Variants in PPIP5K2 observed in about 807,000 individuals in gnomAD.
PPIP5K2 encodes inositol hexakisphosphate and diphosphoinositol-pentakisphosphate kinase 2.
PPIP5K2 carries 105 observed loss-of-function variants against 154.6 expected under a neutral mutation model. The observed-to-expected ratio is 0.68, with a 90% CI of 0.58 to 0.80. The LOEUF (loss-of-function observed/expected upper bound fraction) is 0.80. PPIP5K2 is among the 30% of genes least tolerant of loss of function. The probability of loss-of-function intolerance (pLI) is 0.00; values close to 1 mark genes in which losing one functional copy is unlikely to be tolerated. For missense variants in PPIP5K2, 992 were observed against 1,504.6 expected, an observed-to-expected ratio of 0.66 and a Z score of 5.64; for synonymous variants, 480 against 490.3, an observed-to-expected ratio of 0.98 and a Z score of 0.28.
At chr5:103,120,799 G>T (rs1481842534) in intron 1 of PPIP5K2, 1 of 290,324 alleles carries the variant, frequency 3.4e-6, no homozygotes, top group Non-Finnish European at 7.1e-6. Context: ...CGCTGTGCCT[G>T]GCTCCACTGA....
At chr5:103,192,513 A>T (rs1420452370) in intron 29 of PPIP5K2, among the ~76,000 whole-genome samples, 1 of 152,130 alleles carries the variant, frequency 6.6e-6, no homozygotes, top group Non-Finnish European at 1.5e-5. Context: ...TAATTAGTAA[A>T]TAAGAGTTTA....
chr5:103,173,725 GT>G, intron 20 of PPIP5K2, 132 bp from the exon 21 acceptor site: 2 of 668,190 alleles, frequency 3.0e-6, no homozygotes, highest in Non-Finnish European at 5.1e-6. Flanking sequence ...CTCTATTGTG[GT>G]TGGAAGAATA....
At chr5:103,200,601 G>T (rs1425114102) in intron 30 of PPIP5K2, among the ~76,000 whole-genome samples, 1 of 150,218 alleles carries the variant, frequency 6.7e-6, no homozygotes, top group Non-Finnish European at 1.5e-5. Flanking sequence ...ATGCCACCTA[G>T]AATGGTTTTT....
chr5:103,189,318 T>A, intron 28 of PPIP5K2: 1 of 1,030,212 alleles, frequency 9.7e-7, no homozygotes, highest in African/African-American at 1.6e-5. Context: ...AAAAGTTTAT[T>A]AAAGATAAGT....
chr5:103,153,655 GCTT>G (rs1794975582), intron 10 of PPIP5K2, among the ~76,000 whole-genome samples, 190 bp from the exon 11 acceptor site: 1 of 151,672 alleles, frequency 6.6e-6, no homozygotes, highest in South Asian at 2.1e-4. Context: ...CCCTCCCCCA[GCTT>G]CTTAAGTTCT....
chr5:103,192,883 A>C (rs1326376461), intron 29 of PPIP5K2, among the ~76,000 whole-genome samples: 1 of 152,150 alleles, frequency 6.6e-6, no homozygotes, highest in Non-Finnish European at 1.5e-5. Context: ...CTAGATGAGA[A>C]AGTAAATGTA....
In PPIP5K2 at chr5:103,151,386, T is replaced by A. The variant is rs200587357; in HGVS notation, c.1028+12T>A. The A allele has an allele frequency of 1.9e-4, 300 of 1,579,490 alleles. No homozygotes were observed. The Middle Eastern group carries it at 2.5e-3, about 13-fold the overall frequency. On this transcript the variant is annotated intron_variant, in intron 9 of 30. Coordinates refer to ENST00000358359, the MANE Select transcript of PPIP5K2 (RefSeq NM_001276277.3). ...GCAAAAATACTTGGGTAAGAATTTT[T>A]AAATTTTTCTTTTTACCTTCATATA...
chr5:103,142,480 C>T (rs189498748), intron 5 of PPIP5K2, among the ~76,000 whole-genome samples: 1 of 152,358 alleles, frequency 6.6e-6, no homozygotes, highest in Admixed American at 6.5e-5. Context: ...CAGAAAGGGG[C>T]TCCCACAGTG....
intron 24 of PPIP5K2, among the ~76,000 whole-genome samples, chr5:103,182,731 G>T (rs1332507145): frequency 6.6e-6 from 1 of 152,050 alleles, no homozygotes; most frequent in Non-Finnish European, 1.5e-5. Flanking sequence ...AAATATATCA[G>T]GGAGACAGAT....
At position 103,138,367 on chromosome 5, in the gene PPIP5K2, T is replaced by C. The variant is rs781900747; in HGVS notation, c.402-17T>C. ...ATGGAGCAATAAAACAATAAGGATG[T>C]TTCCCTTTTTCTTCAGGAGAGAAGT... On this transcript the variant is annotated splice_polypyrimidine_tract_variant and intron_variant, in intron 4 of 30. Coordinates refer to ENST00000358359, the MANE Select transcript of PPIP5K2 (RefSeq NM_001276277.3). 24 of 1,416,574 alleles carry C rather than the reference T, an allele frequency of 1.7e-5. No individual in the cohort carries two copies. The Middle Eastern group carries it at 7.1e-4, about 42-fold the overall frequency. The allele number at this position is 1,416,574 out of a possible 1,614,324, so 87.8% of individuals were successfully genotyped here.
chr5:103,147,753 A>G (rs1554209683), intron 6 of PPIP5K2, among the ~76,000 whole-genome samples, 178 bp from the exon 7 acceptor site: 2 of 152,042 alleles, frequency 1.3e-5, no homozygotes, highest in African/African-American at 2.4e-5. Context: ...TATGGTAACA[A>G]TAGAGACTAC....
Position 103,183,246 on chromosome 5 carries a change from C to T in PPIP5K2, c.2935C>T (p.Leu979=). Residue 979 remains leucine (L), a synonymous_variant, in exon 25 of 31, where the codon CTG becomes TTG. Coordinates refer to ENST00000358359, the MANE Select transcript of PPIP5K2 (RefSeq NM_001276277.3). ...KTATNDEESP[L]SVSSPEGTGT... is the part of the protein sequence containing the mutation. ...TTCTCACTTCCAGGAAGAGAGCCCCCTGAGTGTGTCTAGCCCAGAGGGTAC... is the reference window on the plus strand; with the variant it reads ...TTCTCACTTCCAGGAAGAGAGCCCCTTGAGTGTGTCTAGCCCAGAGGGTAC... 9.0e-7 allele frequency: 1 copy of T among 1,117,044 alleles called. No individual in the cohort carries two copies. Among genetic ancestry groups the T allele is most frequent in the Non-Finnish European group, 1.1e-6 (1 of 881,962 alleles). 69.2% of individuals were successfully genotyped at this position (1,117,044 alleles called of 1,614,324 possible).
At chr5:103,179,235 A>C (rs1020882020) in intron 23 of PPIP5K2, among the ~76,000 whole-genome samples, 2 of 151,900 alleles carry the variant, frequency 1.3e-5, no homozygotes, top group Non-Finnish European at 2.9e-5. Flanking sequence ...TAATTTGATG[A>C]GGGTTTTTAT....
intron 5 of PPIP5K2, among the ~76,000 whole-genome samples, chr5:103,140,381 A>G (rs1792358489): frequency 6.6e-6 from 1 of 152,206 alleles, no homozygotes; most frequent in Non-Finnish European, 1.5e-5. Flanking sequence ...GGTCAAGGAT[A>G]AACAAAGATC....
chr5:103,138,761 A>T (rs1363116272), intron 5 of PPIP5K2, among the ~76,000 whole-genome samples: 2 of 152,234 alleles, frequency 1.3e-5, no homozygotes, highest in African/African-American at 4.8e-5. Flanking sequence ...GTATTGATTA[A>T]AGGTGAACAA....
intron 21 of PPIP5K2, among the ~76,000 whole-genome samples, chr5:103,175,192 A>G (rs1441062465): frequency 6.6e-6 from 1 of 152,156 alleles, no homozygotes; most frequent in Non-Finnish European, 1.5e-5. Flanking sequence ...ATGATTTGGT[A>G]TAGGTCTGTT....
At position 103,139,835 on chromosome 5, in the gene PPIP5K2, A is replaced by G. The variant is rs138471214; in HGVS notation, c.487+1366A>G. ...ATGAGAAATTAACAAGGAGATTGAA[A>G]TAATTCAAAACAAGCCAAAATTCTG... On this transcript the variant is annotated intron_variant, in intron 5 of 30. Transcript: ENST00000358359. Among the ~76,000 whole-genome samples the G allele has an allele frequency of 3.2e-3, 493 of 152,320 alleles. 1 individual carries two copies. Among genetic ancestry groups the G allele is most frequent in the African/African-American group, 0.011 (457 of 41,562 alleles).
At chr5:103,155,052 T>C in intron 13 of PPIP5K2, 109 bp downstream of exon 13, 2 of 582,540 alleles carry the variant, frequency 3.4e-6, no homozygotes, top group Admixed American at 3.7e-5. Context: ...TTTTACTCTT[T>C]GTTACTATAG....
At position 103,204,695 on chromosome 5, in the gene PPIP5K2, G is replaced by A. The variant is rs1478013858; in HGVS notation, c.*3061G>A. 6.6e-6 allele frequency: 1 copy of A among 152,080 alleles called. No individual in the cohort carries two copies. Among genetic ancestry groups the A allele is most frequent in the Non-Finnish European group, 1.5e-5 (1 of 68,026 alleles). The allele number at this position is 152,080 out of a possible 1,614,324, so 9.4% of individuals were successfully genotyped here. On this transcript the variant is annotated 3_prime_UTR_variant, in exon 31 of 31. Coordinates refer to ENST00000358359, the MANE Select transcript of PPIP5K2 (RefSeq NM_001276277.3). ...AACAGGTTTCCCTCTGTACATAATC[G>A]TAGGTACCAAAATATTACTGTGTAA...
Sources: gnomAD v4.1 joint callset for allele counts (sites outside exome capture counted in the v4.1 genomes callset) on GRCh38, gnomAD v4.1.1 for gene constraint, MANE v1.5 for transcripts, NCBI Gene and HGNC (gene_info 2026-07-23, HGNC 2026-07-21) for gene names.